The following EXOC2 variants were observed in gnomAD, a reference collection of about 807,000 sequenced individuals.
EXOC2 encodes exocyst complex component 2.
In EXOC2, 70 loss-of-function variants were observed where a neutral mutation model predicts 131.8. That is an observed-to-expected ratio of 0.53 (90% CI 0.44 to 0.65). The LOEUF is 0.65. EXOC2 is among the 30% of genes least tolerant of loss of function. The pLI is 0.00. For synonymous variants in EXOC2, 411 were observed against 398.4 expected, an observed-to-expected ratio of 1.03 and a Z score of -0.38; for missense variants, 923 against 1,108.6, an observed-to-expected ratio of 0.83 and a Z score of 2.38.
In EXOC2 at chr6:501,166, TTATATATATC is replaced by T. The variant is rs1280338317; in HGVS notation, c.2381-1476_2381-1467del. Among the ~76,000 whole-genome samples the T allele has an allele frequency of 5.7e-5, 2 of 35,146 alleles. 1 individual carries two copies. Among genetic ancestry groups the T allele is most frequent in the Non-Finnish European group, 1.0e-4 (2 of 19,134 alleles). 23.1% of individuals were successfully genotyped at this position (35,146 alleles called of 152,430 possible). A position where few individuals can be genotyped will look rare whatever the true frequency, so the allele number is the denominator to read the frequency against. On this transcript the variant is annotated intron_variant, in intron 23 of 27. Coordinates refer to ENST00000230449, the MANE Select transcript of EXOC2 (RefSeq NM_018303.6). The stretch of plus-strand genomic sequence containing the variant: ...TATATATTATATATATCTATATATA[TTATATATATC>T]TATATATTATATATATCTATATATA...
intron 22 of EXOC2, 90 bp downstream of exon 22, chr6:549,085 G>C (rs2127565126): frequency 9.9e-7 from 1 of 1,013,996 alleles, no homozygotes; most frequent in Middle Eastern, 2.1e-4. Context: ...AGAGGGAATG[G>C]GCACTGCTAG....
intron 23 of EXOC2, among the ~76,000 whole-genome samples, chr6:516,613 C>T (rs1425610878): frequency 6.6e-6 from 1 of 152,244 alleles, no homozygotes; most frequent in African/African-American, 2.4e-5. Context: ...TCAGGGCTAA[C>T]ATTCACACCA....
intron 21 of EXOC2, among the ~76,000 whole-genome samples, chr6:549,982 C>T (rs983732338): frequency 7.9e-5 from 12 of 152,208 alleles, no homozygotes; most frequent in African/African-American, 2.7e-4. Context: ...TAATTTCTTA[C>T]GAAAACTACC....
intron 25 of EXOC2, among the ~76,000 whole-genome samples, chr6:492,144 T>G (rs1763470630): frequency 6.6e-6 from 1 of 152,184 alleles, no homozygotes; most frequent in Non-Finnish European, 1.5e-5. Flanking sequence ...AAAGTGGACT[T>G]CACCAAAATT....
At chr6:505,929 G>T (rs954590379) in intron 23 of EXOC2, among the ~76,000 whole-genome samples, 1 of 152,162 alleles carries the variant, frequency 6.6e-6, no homozygotes, top group Admixed American at 6.6e-5. Context: ...ATGAATGAGG[G>T]AATAAACACA....
chr6:549,057 G>C (rs1757008225), intron 22 of EXOC2, 118 bp downstream of exon 22: 12 of 770,048 alleles, frequency 1.6e-5, no homozygotes, highest in Non-Finnish European at 2.5e-5. Context: ...AAGCAGTGTG[G>C]CTGTGGGGGC....
At chr6:552,377 T>G (rs543179872) in intron 21 of EXOC2, among the ~76,000 whole-genome samples, 1 of 152,372 alleles carries the variant, frequency 6.6e-6, no homozygotes, top group East Asian at 1.9e-4. Context: ...GACCTCATTT[T>G]GGGGTGGCTC....
rs760465684 is a variant in EXOC2 at position 553,746 on chromosome 6, C to T, written c.2121+108G>A. The T allele has an allele frequency of 1.4e-5, 12 of 841,824 alleles. No homozygotes were observed. The East Asian group carries it at 2.5e-4, about 17-fold the overall frequency. 52.1% of individuals were successfully genotyped at this position (841,824 alleles called of 1,614,324 possible). On this transcript the variant is annotated intron_variant, in intron 21 of 27. Coordinates refer to ENST00000230449, the MANE Select transcript of EXOC2 (RefSeq NM_018303.6). ...AGAGCTCCAAAGCACAGCACAGTGT[C>T]CTATACCACGTGCTATAGCAAGGAT...
At chr6:660,000 G>C (rs530794360) in intron 1 of EXOC2, among the ~76,000 whole-genome samples, 3 of 151,464 alleles carry the variant, frequency 2.0e-5, no homozygotes, top group African/African-American at 4.9e-5. Flanking sequence ...GCTGTTGGGG[G>C]GGGGACACGG....
At chr6:632,818 T>A in intron 3 of EXOC2, 123 bp downstream of exon 3, 1 of 977,404 alleles carries the variant, frequency 1.0e-6, no homozygotes, top group Non-Finnish European at 1.5e-6. Flanking sequence ...AAAATAAACA[T>A]AAACTAAATC....
chr6:513,047 G>A (rs567940246), intron 23 of EXOC2, among the ~76,000 whole-genome samples: 2 of 152,166 alleles, frequency 1.3e-5, no homozygotes, highest in Non-Finnish European at 2.9e-5. Context: ...CCGACTCTGC[G>A]ACTCTATGTT....
chr6:595,745 G>A (rs1393687336), intron 10 of EXOC2, among the ~76,000 whole-genome samples: 1 of 152,048 alleles, frequency 6.6e-6, no homozygotes, highest in Non-Finnish European at 1.5e-5. Context: ...AGCACACGCA[G>A]TGAAGGAGCA....
chr6:659,069 GTA>G (rs1763296435), intron 1 of EXOC2, among the ~76,000 whole-genome samples: 1 of 152,120 alleles, frequency 6.6e-6, no homozygotes, highest in Non-Finnish European at 1.5e-5. Flanking sequence ...ATAATATACA[GTA>G]TCTTGAAGTC....
At chr6:612,191 C>G (rs1189761408) in intron 6 of EXOC2, among the ~76,000 whole-genome samples, 1 of 152,204 alleles carries the variant, frequency 6.6e-6, no homozygotes, top group Admixed American at 6.5e-5. Context: ...TATGAAGAAC[C>G]AAACAGTCAA....
intron 1 of EXOC2, among the ~76,000 whole-genome samples, chr6:643,132 T>C (rs1433887722): frequency 6.6e-6 from 1 of 152,186 alleles, no homozygotes; most frequent in Non-Finnish European, 1.5e-5. Flanking sequence ...AAAAACTGAT[T>C]GATAGGGAGA....
chr6:580,955 T>C (rs1758857898), intron 11 of EXOC2, among the ~76,000 whole-genome samples: 1 of 152,120 alleles, frequency 6.6e-6, no homozygotes, highest in Non-Finnish European at 1.5e-5. Flanking sequence ...GAAAATTATG[T>C]CTTAAAATGG....
chr6:495,146 G>A lies in EXOC2; in HGVS notation c.2559+2221C>T, dbSNP rs1377739416. Reference sequence around the variant, plus strand: ...AACATTCTTTTTTTTTTTTTTTTGAGACGGAGTCTCGCTCTTTCGTCCAGG... The same window carrying A: ...AACATTCTTTTTTTTTTTTTTTTGAAACGGAGTCTCGCTCTTTCGTCCAGG... On this transcript the variant is annotated intron_variant, in intron 25 of 27. Transcript: ENST00000230449. Among the ~76,000 whole-genome samples, 4 of 112,264 alleles carry A rather than the reference G, an allele frequency of 3.6e-5. No homozygotes were observed. The East Asian group carries it at 8.3e-4, about 23-fold the overall frequency. 73.6% of individuals were successfully genotyped at this position (112,264 alleles called of 152,430 possible).
intron 22 of EXOC2, among the ~76,000 whole-genome samples, chr6:547,211 C>T (rs1331860937): frequency 6.6e-6 from 1 of 152,196 alleles, no homozygotes; most frequent in Non-Finnish European, 1.5e-5. Flanking sequence ...TATTTGTCTC[C>T]TGTTCCTATA....
At chr6:609,764 T>C (rs1054351391) in intron 7 of EXOC2, among the ~76,000 whole-genome samples, 1 of 152,228 alleles carries the variant, frequency 6.6e-6, no homozygotes, top group South Asian at 2.1e-4. Flanking sequence ...TCCACGTTGC[T>C]GGTCAGTGAC....
Sources: allele counts gnomAD v4.1 joint callset (sites outside exome capture counted in the v4.1 genomes callset), GRCh38; gene constraint gnomAD v4.1.1; transcripts MANE v1.5; gene names NCBI Gene and HGNC (gene_info 2026-07-23, HGNC 2026-07-21).